Variants in SLC44A3 observed in about 807,000 individuals in gnomAD.
The protein encoded by SLC44A3 is solute carrier family 44 member 3, also known as choline transporter-like protein 3.
In SLC44A3, 74 loss-of-function variants were observed where a neutral mutation model predicts 75.4. The observed-to-expected ratio is 0.98, with a 90% CI of 0.81 to 1.19. The LOEUF (loss-of-function observed/expected upper bound fraction) is 1.19, where lower values mean the gene tolerates loss of function less well. SLC44A3 is among the 50% of genes most tolerant of loss of function. The pLI is 0.00. For synonymous variants in SLC44A3, 310 were observed against 296.9 expected, an observed-to-expected ratio of 1.04 and a Z score of -0.45; for missense variants, 700 against 778.6, an observed-to-expected ratio of 0.90 and a Z score of 1.20.
chr1:94,857,586 T>G lies in SLC44A3; in HGVS notation c.1238+86T>G, dbSNP rs960408244. The G allele has an allele frequency of 5.2e-6, 7 of 1,353,060 alleles. No homozygotes were observed. In the African/African-American group the frequency reaches 1.0e-4, roughly 20 times the overall value. 83.8% of individuals were successfully genotyped at this position (1,353,060 alleles called of 1,614,324 possible). A position where few individuals can be genotyped will look rare whatever the true frequency, so the allele number is the denominator to read the frequency against. On this transcript the variant is annotated intron_variant, in intron 10 of 14. Transcript: ENST00000271227. ...TAATATCTCAAAAGATATTTGGGAA[T>G]GTTGACCTAGCCCCTTAAAAGAAGT... is the stretch of plus-strand genomic sequence containing the variant.
intron 1 of SLC44A3, 86 bp downstream of exon 1, chr1:94,820,564 G>C (rs1049391115): frequency 5.6e-6 from 8 of 1,434,912 alleles, no homozygotes; most frequent in Non-Finnish European, 7.3e-6. Context: ...CCTGCCGGAC[G>C]CTTCCGCCTT....
chr1:94,823,836 A>T (rs563662205), intron 2 of SLC44A3, among the ~76,000 whole-genome samples: 1 of 152,370 alleles, frequency 6.6e-6, no homozygotes, highest in East Asian at 1.9e-4. Context: ...AGAGCCTGTC[A>T]GTATGTATTA....
chr1:94,843,761 C>T (rs939145824), intron 8 of SLC44A3, among the ~76,000 whole-genome samples: 21 of 151,944 alleles, frequency 1.4e-4, no homozygotes, highest in Admixed American at 5.2e-4. Context: ...TGATCTTTCT[C>T]CAGAGGCACT....
chr1:94,827,470 T>G, intron 3 of SLC44A3, 37 bp from the exon 4 acceptor site: 1 of 1,611,676 alleles, frequency 6.2e-7, no homozygotes, highest in Non-Finnish European at 8.5e-7. Context: ...TGAGAAGCAA[T>G]GCTCTAACAC....
chr1:94,860,587 C>T (rs1231939003), intron 10 of SLC44A3, among the ~76,000 whole-genome samples: 1 of 152,144 alleles, frequency 6.6e-6, no homozygotes, highest in Non-Finnish European at 1.5e-5. Flanking sequence ...CTGACTTTCA[C>T]CAGCAACTCT....
chr1:94,826,961 C>A (rs72718206), intron 3 of SLC44A3, among the ~76,000 whole-genome samples: 21,625 of 152,088 alleles, frequency 0.14, 1,642 homozygotes, highest in South Asian at 0.18. Flanking sequence ...TCATTCTTGT[C>A]CCCCCTCTGC....
intron 8 of SLC44A3, chr1:94,843,482 C>G (rs1212419653): frequency 1.3e-5 from 2 of 152,198 alleles, no homozygotes; most frequent in Non-Finnish European, 2.9e-5. Context: ...TGACACCTCT[C>G]CCTGCATGGT....
Position 94,842,094 on chromosome 1 carries a change from G to T in SLC44A3, c.855G>T (p.Leu285=), listed in dbSNP as rs767612769. The change falls in exon 8 of 15, where the codon CTG becomes CTT. Residue 285 remains leucine, a synonymous_variant. Transcript: ENST00000271227. ...DTERENMKCV[L]GFAIVSTGIT... Reference sequence around the variant, plus strand: ...AAAGGGAAAATATGAAGTGCGTGCTGGGGTTTGCTATCGTATCCACAGGCA... The same window carrying T: ...AAAGGGAAAATATGAAGTGCGTGCTTGGGTTTGCTATCGTATCCACAGGCA... The T allele has an allele frequency of 6.2e-7, 1 of 1,612,790 alleles. No individual in the cohort carries two copies. The highest frequency in any genetic ancestry group is 1.1e-5 in the South Asian group (1 of 90,812).
chr1:94,877,831 C>T (rs1421452912), intron 12 of SLC44A3, among the ~76,000 whole-genome samples: 4 of 152,144 alleles, frequency 2.6e-5, no homozygotes, highest in Admixed American at 2.0e-4. Flanking sequence ...ATCCCAGGAA[C>T]AAGACAGCTG....
chr1:94,888,375 AG>A (rs1315659229), intron 12 of SLC44A3, among the ~76,000 whole-genome samples: 1 of 152,242 alleles, frequency 6.6e-6, no homozygotes, highest in Non-Finnish European at 1.5e-5. Flanking sequence ...AGTCTATAAA[AG>A]AACAATTATG....
At chr1:94,824,383 G>A in intron 2 of SLC44A3, 110 bp from the exon 3 acceptor site, 1 of 1,326,752 alleles carries the variant, frequency 7.5e-7, no homozygotes, top group Non-Finnish European at 1.0e-6. Flanking sequence ...TATGATGCTG[G>A]AGAGCTTCAC....
Position 94,822,662 on chromosome 1 carries a change from T to A in SLC44A3, c.135+1606T>A, listed in dbSNP as rs180864304. Among the ~76,000 whole-genome samples the A allele has an allele frequency of 4.0e-3, 605 of 152,290 alleles. 4 individuals are homozygous for A. Among genetic ancestry groups the A allele is most frequent in the Middle Eastern group, 0.02 (6 of 294 alleles). On this transcript the variant is annotated intron_variant, in intron 2 of 14. Coordinates refer to ENST00000271227, the MANE Select transcript of SLC44A3 (RefSeq NM_001114106.3). ...GCACCAGCCTGTGTTTATATTTGCA[T>A]TAAACATAAGGAACAAAGTCTCAAA...
At chr1:94,829,860 C>T (rs1265828797) in intron 5 of SLC44A3, among the ~76,000 whole-genome samples, 1 of 152,130 alleles carries the variant, frequency 6.6e-6, no homozygotes, top group African/African-American at 2.4e-5. Flanking sequence ...TATTACATCC[C>T]AACTCCTGTA....
At chr1:94,854,189 CA>C (rs1464981420) in intron 9 of SLC44A3, among the ~76,000 whole-genome samples, 1 of 152,084 alleles carries the variant, frequency 6.6e-6, no homozygotes, top group Non-Finnish European at 1.5e-5. Context: ...AAGCAGATTT[CA>C]AAAAAAGTCC....
intron 12 of SLC44A3, among the ~76,000 whole-genome samples, chr1:94,887,032 A>G (rs1669664613): frequency 6.6e-6 from 1 of 152,000 alleles, no homozygotes; most frequent in Non-Finnish European, 1.5e-5. Flanking sequence ...GCTTGTTTAA[A>G]GGTTAGCCTT....
chr1:94,863,590 C>T (rs977458192), intron 10 of SLC44A3, among the ~76,000 whole-genome samples: 3 of 152,160 alleles, frequency 2.0e-5, no homozygotes, highest in African/African-American at 7.2e-5. Context: ...TTTTCCTGGC[C>T]TACACTACTC....
chr1:94,829,534 T>C (rs780341878), intron 5 of SLC44A3, among the ~76,000 whole-genome samples: 5 of 152,120 alleles, frequency 3.3e-5, no homozygotes, highest in Admixed American at 6.5e-5. Context: ...CAAATATTTG[T>C]AGAATAAAGT....
intron 10 of SLC44A3, among the ~76,000 whole-genome samples, chr1:94,858,047 C>A (rs1038326036): frequency 1.3e-5 from 2 of 151,848 alleles, no homozygotes; most frequent in South Asian, 4.2e-4. Flanking sequence ...CTCTTGACCT[C>A]GTGATATGCC....
chr1:94,829,237 C>T (rs1287571701), intron 5 of SLC44A3, among the ~76,000 whole-genome samples: 3 of 151,724 alleles, frequency 2.0e-5, no homozygotes, highest in South Asian at 2.1e-4. Context: ...GAGCCGAGAT[C>T]GCGACACTGC....
Sources: allele counts gnomAD v4.1 joint callset (sites outside exome capture counted in the v4.1 genomes callset), GRCh38; gene constraint gnomAD v4.1.1; transcripts MANE v1.5; gene names NCBI Gene and HGNC (gene_info 2026-07-23, HGNC 2026-07-21).